The following TBCK variants were observed in gnomAD, a reference collection of about 807,000 sequenced individuals.
TBCK encodes the protein TBC1 domain containing kinase.
In TBCK, 99 loss-of-function variants were observed where a neutral mutation model predicts 113.4. The observed-to-expected ratio is 0.87, with a 90% confidence interval of 0.74 to 1.03. TBCK has a LOEUF of 1.03. TBCK is among the 50% of genes least tolerant of loss of function. The pLI, the probability that TBCK is intolerant of heterozygous loss-of-function variation, is 0.00. For missense variants in TBCK, 1,045 were observed against 1,061.3 expected (o/e 0.98, Z 0.21); for synonymous variants, 369 against 370.8 (o/e 1.00, Z 0.05).
chr4:106,072,278 T>C (rs1737557936), intron 25 of TBCK, among the ~76,000 whole-genome samples: 1 of 152,234 alleles, frequency 6.6e-6, no homozygotes, highest in Non-Finnish European at 1.5e-5. Context: ...GGGGCTCTTG[T>C]AAGGTAGGCC....
chr4:106,123,974 T>C (rs1744806908), intron 23 of TBCK, among the ~76,000 whole-genome samples: 1 of 151,112 alleles, frequency 6.6e-6, no homozygotes, highest in Non-Finnish European at 1.5e-5. Flanking sequence ...CCAAAAGCAA[T>C]GGCAACAAAA....
intron 3 of TBCK, among the ~76,000 whole-genome samples, 186 bp from the exon 4 acceptor site, chr4:106,262,398 T>C (rs1334973194): frequency 6.6e-6 from 1 of 152,066 alleles, no homozygotes; most frequent in Non-Finnish European, 1.5e-5. Flanking sequence ...GGTTTTCTGA[T>C]TATAACAGAA....
At chr4:106,207,530 C>T (rs1005990953) in intron 20 of TBCK, among the ~76,000 whole-genome samples, 2 of 152,058 alleles carry the variant, frequency 1.3e-5, no homozygotes, top group Admixed American at 1.3e-4. Flanking sequence ...TTAAAAAATG[C>T]TATATACACA....
chr4:106,182,011 T>A (rs994061119), intron 22 of TBCK, among the ~76,000 whole-genome samples: 2 of 152,198 alleles, frequency 1.3e-5, no homozygotes, highest in African/African-American at 4.8e-5. Flanking sequence ...CATGGAATGT[T>A]TTTCCATTGG....
chr4:106,252,074 T>G, intron 5 of TBCK, 67 bp from the exon 6 acceptor site: 2 of 1,331,894 alleles, frequency 1.5e-6, no homozygotes, highest in Non-Finnish European at 2.1e-6. Context: ...ATTTTTACAA[T>G]CAATGTGGTA....
At chr4:106,106,029 G>A (rs753862864) in intron 24 of TBCK, among the ~76,000 whole-genome samples, 14 of 151,886 alleles carry the variant, frequency 9.2e-5, no homozygotes, top group East Asian at 1.9e-4. Flanking sequence ...AAACCAAGCC[G>A]ATGAAAGAAT....
At chr4:106,161,700 C>CTG (rs35152957) in intron 23 of TBCK, among the ~76,000 whole-genome samples, 2,845 of 146,436 alleles carry the variant, frequency 0.019, 36 homozygotes, top group East Asian at 0.048. Flanking sequence ...TTAGGTGTGT[C>CTG]TGTGTGTGTG....
intron 25 of TBCK, among the ~76,000 whole-genome samples, chr4:106,053,206 T>C (rs1340722768): frequency 6.6e-6 from 1 of 151,700 alleles, no homozygotes; most frequent in Non-Finnish European, 1.5e-5. Flanking sequence ...TTTAAGGCTC[T>C]TTTAATCTAA....
chr4:106,165,904 C>G (rs1397062161), intron 23 of TBCK, among the ~76,000 whole-genome samples: 1 of 151,700 alleles, frequency 6.6e-6, no homozygotes, highest in Non-Finnish European at 1.5e-5. Flanking sequence ...TTATAAAACT[C>G]TGCTTCAGGG....
chr4:106,267,191 A>G (rs1209668937), intron 3 of TBCK, among the ~76,000 whole-genome samples: 1 of 151,960 alleles, frequency 6.6e-6, no homozygotes, highest in Non-Finnish European at 1.5e-5. Context: ...CTGGGTGGCT[A>G]GCGTTTACTT....
At position 106,202,431 on chromosome 4, in the gene TBCK, T is replaced by G. The variant is rs145784537; in HGVS notation, c.1861-7677A>C. 5.4e-4 allele frequency among the ~76,000 whole-genome samples: 82 copies of G among 152,094 alleles called. 2 individuals are homozygous for G. The highest frequency in any genetic ancestry group is 6.8e-3 in the Middle Eastern group (2 of 294). The stretch of plus-strand genomic sequence containing the variant: ...TTTTCTTTTTGTGCTAGCCATAGTA[T>G]TGCACCATCTTTCAAGAAGATATGA... On this transcript the variant is annotated intron_variant, in intron 20 of 25. Transcript: ENST00000394708.
intron 25 of TBCK, among the ~76,000 whole-genome samples, chr4:106,069,256 T>C (rs1384814099): frequency 1.3e-5 from 2 of 152,208 alleles, no homozygotes; most frequent in African/African-American, 4.8e-5. Context: ...CAGGTTTTCT[T>C]CTAGGGTTTT....
At position 106,260,448 on chromosome 4, in the gene TBCK, A is replaced by C. The variant is rs1762394617; in HGVS notation, c.444T>G (p.Asp148Glu). The C allele has an allele frequency of 6.6e-6, 9 of 1,370,356 alleles. No homozygotes were observed. The East Asian group carries it at 2.5e-4, about 38-fold the overall frequency. 84.9% of individuals were successfully genotyped at this position (1,370,356 alleles called of 1,614,324 possible). A position where few individuals can be genotyped will look rare whatever the true frequency, so the allele number is the denominator to read the frequency against. Reference protein sequence around the residue: ...YHMTAHGDDVDFPIGYPSYLA... With the variant: ...YHMTAHGDDVEFPIGYPSYLA... ...AAACATATCCTTACCCTATTGGGAA[A>C]TCAACATCATCACCATGAGCTGTCA... Residue 148 changes from aspartate to glutamate, a missense_variant, in exon 5 of 26, where the codon GAT (aspartate) becomes GAG (glutamate). Coordinates refer to ENST00000394708, the MANE Select transcript of TBCK (RefSeq NM_001163435.3).
chr4:106,145,960 T>A (rs1747746357), intron 23 of TBCK, among the ~76,000 whole-genome samples: 1 of 151,908 alleles, frequency 6.6e-6, no homozygotes, highest in Non-Finnish European at 1.5e-5. Context: ...TAAAAATGAG[T>A]CCAACCATTG....
rs1009466228 is a variant in TBCK at position 106,095,425 on chromosome 4, T to C, written c.2571+57A>G. On this transcript the variant is annotated intron_variant, in intron 25 of 25. Coordinates refer to ENST00000394708, the MANE Select transcript of TBCK (RefSeq NM_001163435.3). The stretch of plus-strand genomic sequence containing the variant: ...AATATACTTTTAGATAACCTTCATA[T>C]AGAAGGCAGGTAAATCACTCATCAT... The C allele has an allele frequency of 4.7e-6, 7 of 1,478,906 alleles. No homozygotes were observed. The African/African-American group carries it at 5.6e-5, about 12-fold the overall frequency. The allele number at this position is 1,478,906 out of a possible 1,614,324, so 91.6% of individuals were successfully genotyped here. A position where few individuals can be genotyped will look rare whatever the true frequency, so the allele number is the denominator to read the frequency against.
At chr4:106,261,427 G>C (rs556111976) in intron 4 of TBCK, among the ~76,000 whole-genome samples, 1 of 152,028 alleles carries the variant, frequency 6.6e-6, no homozygotes, top group South Asian at 2.1e-4. Context: ...TTTGGGAAAA[G>C]AACCAGAGAA....
At chr4:106,236,878 G>A in intron 12 of TBCK, 70 bp from the exon 13 acceptor site, 1 of 845,018 alleles carries the variant, frequency 1.2e-6, no homozygotes. Flanking sequence ...TGTTTAAAAA[G>A]ACAAGTAATA....
At chr4:106,150,313 T>C (rs1748331400) in intron 23 of TBCK, among the ~76,000 whole-genome samples, 1 of 152,132 alleles carries the variant, frequency 6.6e-6, no homozygotes, top group African/African-American at 2.4e-5. Flanking sequence ...GAATGCCTTA[T>C]TGAGATATTT....
intron 19 of TBCK, among the ~76,000 whole-genome samples, chr4:106,217,253 C>G (rs866504921): frequency 8.3e-4 from 127 of 152,180 alleles, no homozygotes; most frequent in African/African-American, 3.0e-3. Flanking sequence ...AAACCCACAG[C>G]CAATATCATA....
Sources: gnomAD v4.1 joint callset for allele counts (sites outside exome capture counted in the v4.1 genomes callset) on GRCh38, gnomAD v4.1.1 for gene constraint, MANE v1.5 for transcripts, NCBI Gene and HGNC (gene_info 2026-07-23, HGNC 2026-07-21) for gene names.